The following ROBO2 variants were observed in gnomAD, a reference collection of about 807,000 sequenced individuals.
The protein encoded by ROBO2 is roundabout homolog 2.
ROBO2 carries 53 observed loss-of-function variants against 160.8 expected under a neutral mutation model. The observed-to-expected ratio is 0.33, with a 90% CI of 0.26 to 0.41. The LOEUF is 0.41. ROBO2 is among the 10% of genes least tolerant of loss of function. The pLI is 1.00. For synonymous variants in ROBO2, 664 were observed against 611.7 expected (o/e 1.09, Z -1.26); for missense variants, 1,577 against 1,722.4 (o/e 0.92, Z 1.49).
chr3:77,628,999 T>C (rs1311040605), intron 23 of ROBO2: 2 of 152,204 alleles, frequency 1.3e-5, no homozygotes, highest in Non-Finnish European at 2.9e-5. Context: ...CTGGCTTCCA[T>C]GTGACTCTCT....
At chr3:76,683,722 T>G (rs2106998920) in intron 2 of ROBO2, among the ~76,000 whole-genome samples, 1 of 152,250 alleles carries the variant, frequency 6.6e-6, no homozygotes, top group Admixed American at 6.6e-5. Context: ...AGTGAACATT[T>G]CCAATGGTTG....
At chr3:76,982,448 A>G (rs928236806) in intron 2 of ROBO2, among the ~76,000 whole-genome samples, 1 of 152,172 alleles carries the variant, frequency 6.6e-6, no homozygotes, top group Admixed American at 6.5e-5. Flanking sequence ...TCCTAATGCC[A>G]TTTCCACACT....
chr3:77,244,536 T>C (rs944204134), intron 2 of ROBO2, among the ~76,000 whole-genome samples: 2 of 152,170 alleles, frequency 1.3e-5, no homozygotes, highest in Non-Finnish European at 2.9e-5. Context: ...CCTTCATATA[T>C]TTTCGTTTCC....
At chr3:76,252,222 G>T (rs1458068588) in intron 2 of ROBO2, among the ~76,000 whole-genome samples, 1 of 152,000 alleles carries the variant, frequency 6.6e-6, no homozygotes, top group Non-Finnish European at 1.5e-5. Flanking sequence ...TATGAATGGT[G>T]GTGAGCAGGC....
chr3:76,744,568 C>T (rs201120108), intron 2 of ROBO2, among the ~76,000 whole-genome samples: 2 of 151,896 alleles, frequency 1.3e-5, no homozygotes, highest in East Asian at 3.9e-4. Context: ...CGCTCTGTTG[C>T]CCAGGCTGGT....
At chr3:76,944,919 C>T (rs1390847969) in intron 2 of ROBO2, among the ~76,000 whole-genome samples, 5 of 151,590 alleles carry the variant, frequency 3.3e-5, no homozygotes, top group Admixed American at 6.6e-5. Flanking sequence ...GACGGAGTCT[C>T]GCTCTGTTGC....
intron 2 of ROBO2, among the ~76,000 whole-genome samples, chr3:77,327,461 C>A (rs1310693371): frequency 6.6e-6 from 1 of 152,124 alleles, no homozygotes; most frequent in Non-Finnish European, 1.5e-5. Flanking sequence ...TTCCTATTCG[C>A]TTGGATATGC....
At chr3:76,313,610 A>T (rs1186894036) in intron 2 of ROBO2, among the ~76,000 whole-genome samples, 1 of 152,048 alleles carries the variant, frequency 6.6e-6, no homozygotes, top group Non-Finnish European at 1.5e-5. Flanking sequence ...AGGTTACTTT[A>T]CTCTTTTTTG....
chr3:76,359,937 C>T (rs2075405738), intron 2 of ROBO2, among the ~76,000 whole-genome samples: 1 of 151,914 alleles, frequency 6.6e-6, no homozygotes, highest in Admixed American at 6.6e-5. Flanking sequence ...ATAGAGTAAA[C>T]CCAGCTGCCA....
At chr3:77,488,533 T>C (rs1222806466) in intron 4 of ROBO2, among the ~76,000 whole-genome samples, 1 of 152,232 alleles carries the variant, frequency 6.6e-6, no homozygotes, top group Non-Finnish European at 1.5e-5. Flanking sequence ...TCATGCATAC[T>C]TATTTTAATT....
At chr3:76,580,129 C>T (rs1369534083) in intron 2 of ROBO2, among the ~76,000 whole-genome samples, 1 of 151,990 alleles carries the variant, frequency 6.6e-6, no homozygotes, top group Non-Finnish European at 1.5e-5. Flanking sequence ...AGGAGACTTC[C>T]CTTGGGGGCT....
intron 1 of ROBO2, among the ~76,000 whole-genome samples, chr3:75,932,379 T>G (rs1947583246): frequency 6.6e-6 from 1 of 152,192 alleles, no homozygotes; most frequent in Non-Finnish European, 1.5e-5. Context: ...TCAGAAAAAC[T>G]GGGTTACTGT....
intron 2 of ROBO2, among the ~76,000 whole-genome samples, chr3:76,387,224 C>T (rs968557082): frequency 6.6e-6 from 1 of 152,084 alleles, no homozygotes; most frequent in African/African-American, 2.4e-5. Context: ...CTTAAAGGCC[C>T]CACCTCCCAA....
At chr3:76,514,140 C>T (rs2081240046) in intron 2 of ROBO2, among the ~76,000 whole-genome samples, 1 of 151,930 alleles carries the variant, frequency 6.6e-6, no homozygotes, top group Non-Finnish European at 1.5e-5. Context: ...GTCATTTGTC[C>T]CATTATTCCT....
intron 2 of ROBO2, among the ~76,000 whole-genome samples, chr3:76,033,362 G>T (rs527378514): frequency 1.3e-5 from 2 of 152,028 alleles, no homozygotes; most frequent in Non-Finnish European, 1.5e-5. Context: ...TTACTTCTTA[G>T]TGTGAATACT....
intron 2 of ROBO2, among the ~76,000 whole-genome samples, chr3:77,123,513 T>C (rs138836901): frequency 6.4e-4 from 98 of 152,252 alleles, no homozygotes; most frequent in African/African-American, 2.2e-3. Context: ...AAATAGTTAC[T>C]AGAGCTTTCT....
At chr3:77,357,888 T>C (rs78163380) in intron 2 of ROBO2, among the ~76,000 whole-genome samples, 1,665 of 152,304 alleles carry the variant, frequency 0.011, 17 homozygotes, top group Middle Eastern at 0.017. Flanking sequence ...ATAAAATGAC[T>C]AGAGAATTAA....
At position 77,471,289 on chromosome 3, in the gene ROBO2, G is replaced by A. The variant is rs1490650828; in HGVS notation, c.389-6125G>A. ...ATTGATTTAAGACAAAACAGAGAGG[G>A]TTTGGGGTGGGAAAGGATATGGGAT... On this transcript the variant is annotated intron_variant, in intron 2 of 25. Transcript: ENST00000461745. 2.0e-5 allele frequency among the ~76,000 whole-genome samples: 3 copies of A among 152,184 alleles called. No individual in the cohort carries two copies. The East Asian group carries it at 5.8e-4, about 29-fold the overall frequency.
At chr3:77,280,946 G>C (rs1320200503) in intron 2 of ROBO2, among the ~76,000 whole-genome samples, 1 of 152,190 alleles carries the variant, frequency 6.6e-6, no homozygotes, top group African/African-American at 2.4e-5. Flanking sequence ...CCAAGGACTA[G>C]ACAGGTGACA....
Sources: gnomAD v4.1 joint callset for allele counts (sites outside exome capture counted in the v4.1 genomes callset) on GRCh38, gnomAD v4.1.1 for gene constraint, MANE v1.5 for transcripts, NCBI Gene and HGNC (gene_info 2026-07-23, HGNC 2026-07-21) for gene names.